The following ATP8A2 variants were observed in gnomAD, a reference collection of about 807,000 sequenced individuals.
The protein encoded by ATP8A2 is ATPase phospholipid transporting 8A2, also known as phospholipid-transporting ATPase IB.
ATP8A2 carries 100 observed loss-of-function variants against 165.6 expected under a neutral mutation model. The ratio of observed to expected loss-of-function variants is 0.60; its 90% CI spans 0.51 to 0.71. The LOEUF is 0.71. Ranked by LOEUF, ATP8A2 falls within the 30% of genes least tolerant of loss-of-function variation. The probability of loss-of-function intolerance (pLI) is 0.00; values close to 1 mark genes in which losing one functional copy is unlikely to be tolerated. For synonymous variants in ATP8A2, 543 were observed against 548.8 expected, an observed-to-expected ratio of 0.99 and a Z score of 0.15; for missense variants, 1,227 against 1,479.5, an observed-to-expected ratio of 0.83 and a Z score of 2.80.
At chr13:25,464,054 G>A (rs2035570937) in intron 1 of ATP8A2, among the ~76,000 whole-genome samples, 1 of 152,170 alleles carries the variant, frequency 6.6e-6, no homozygotes, top group South Asian at 2.1e-4. Context: ...TATCTCATTA[G>A]TCTTGCACTT....
At chr13:25,681,000 C>A (rs937504558) in intron 24 of ATP8A2, among the ~76,000 whole-genome samples, 3 of 152,190 alleles carry the variant, frequency 2.0e-5, no homozygotes, top group Non-Finnish European at 4.4e-5. Context: ...TCAAACAATA[C>A]AACTCAGTAT....
chr13:25,445,706 G>T (rs1165892672), intron 1 of ATP8A2, among the ~76,000 whole-genome samples: 2 of 152,188 alleles, frequency 1.3e-5, no homozygotes, highest in Non-Finnish European at 2.9e-5. Flanking sequence ...TAAGATTCCT[G>T]TAGATGGTGG....
intron 1 of ATP8A2, among the ~76,000 whole-genome samples, chr13:25,442,362 A>T (rs1246708034): frequency 6.6e-6 from 1 of 152,184 alleles, no homozygotes; most frequent in East Asian, 1.9e-4. Context: ...TATTCCCACC[A>T]ACAGTGCTCA....
chr13:25,382,506 C>T lies in ATP8A2; in HGVS notation c.76+10218C>T, dbSNP rs141437438. ...GTATGTTTAGTTTTGGAAGAAATTG[C>T]CAGATTGTCTTCCAAAGTGGCTGTA... On this transcript the variant is annotated intron_variant, in intron 1 of 36. Transcript: ENST00000381655. Among the ~76,000 whole-genome samples the T allele has an allele frequency of 5.0e-3, 760 of 152,232 alleles. 4 individuals are homozygous for T. The highest frequency in any genetic ancestry group is 8.3e-3 in the Non-Finnish European group (563 of 68,032).
intron 10 of ATP8A2, among the ~76,000 whole-genome samples, chr13:25,551,129 A>G (rs1376666185): frequency 6.6e-6 from 1 of 152,248 alleles, no homozygotes; most frequent in Non-Finnish European, 1.5e-5. Context: ...GTGTTCTTTA[A>G]ACTGGTAGAG....
At chr13:25,894,321 T>G (rs1376815493) in intron 33 of ATP8A2, among the ~76,000 whole-genome samples, 3 of 152,220 alleles carry the variant, frequency 2.0e-5, no homozygotes, top group Non-Finnish European at 4.4e-5. Context: ...TTTTGTCAGG[T>G]TTATCAAAGA....
intron 30 of ATP8A2, among the ~76,000 whole-genome samples, chr13:25,854,049 C>CT (rs945199559): frequency 6.6e-6 from 1 of 152,160 alleles, no homozygotes; most frequent in Admixed American, 6.5e-5. Context: ...TTTTGTAACT[C>CT]TTATTACGGG....
chr13:25,843,630 C>T lies in ATP8A2; in HGVS notation c.2956+4006C>T, dbSNP rs187478475. Among the ~76,000 whole-genome samples the T allele has an allele frequency of 4.3e-4, 65 of 152,226 alleles. No homozygotes were observed. The Middle Eastern group carries it at 0.017, about 40-fold the overall frequency. Reference sequence around the variant, plus strand: ...CTGCCACTTCCTTGATCTTGGACTTCGCAGGCTCCAGAACTATAAGAAATG... The same window carrying T: ...CTGCCACTTCCTTGATCTTGGACTTTGCAGGCTCCAGAACTATAAGAAATG... On this transcript the variant is annotated intron_variant, in intron 30 of 36. Coordinates refer to ENST00000381655, the MANE Select transcript of ATP8A2 (RefSeq NM_016529.6).
chr13:25,942,881 C>T (rs774705447), intron 33 of ATP8A2, among the ~76,000 whole-genome samples: 1 of 152,228 alleles, frequency 6.6e-6, no homozygotes, highest in Non-Finnish European at 1.5e-5. Context: ...GCCTGTGGTA[C>T]AAAGTAGGTC....
intron 25 of ATP8A2, among the ~76,000 whole-genome samples, chr13:25,726,272 T>C (rs1446623525): frequency 1.3e-5 from 2 of 152,300 alleles, no homozygotes; most frequent in Non-Finnish European, 1.5e-5. Flanking sequence ...TGTAACTCAA[T>C]GTGTCAGGTG....
chr13:25,608,689 A>G (rs1042377145), intron 24 of ATP8A2, among the ~76,000 whole-genome samples: 1 of 152,204 alleles, frequency 6.6e-6, no homozygotes, highest in Non-Finnish European at 1.5e-5. Context: ...ATAAACACAC[A>G]TCACACAGAC....
intron 2 of ATP8A2, among the ~76,000 whole-genome samples, chr13:25,527,263 G>A (rs1293936507): frequency 6.6e-6 from 1 of 152,080 alleles, no homozygotes; most frequent in African/African-American, 2.4e-5. Flanking sequence ...ACCTCCTCAG[G>A]AATTATCCTA....
intron 25 of ATP8A2, among the ~76,000 whole-genome samples, chr13:25,757,646 G>C (rs567307631): frequency 6.6e-6 from 1 of 152,276 alleles, no homozygotes; most frequent in Admixed American, 6.5e-5. Context: ...CGGCTGAGAA[G>C]TGAGTGTAAT....
At chr13:25,784,635 G>A (rs1247755755) in intron 27 of ATP8A2, among the ~76,000 whole-genome samples, 3 of 152,182 alleles carry the variant, frequency 2.0e-5, no homozygotes, top group African/African-American at 7.2e-5. Flanking sequence ...TAGAATGTAA[G>A]AGAAGATTTC....
chr13:25,592,654 A>G (rs1309129705), intron 24 of ATP8A2, among the ~76,000 whole-genome samples: 1 of 152,132 alleles, frequency 6.6e-6, no homozygotes, highest in Non-Finnish European at 1.5e-5. Flanking sequence ...GTTCAAAGGT[A>G]TCTCTAACCT....
At chr13:25,693,180 C>T (rs967564623) in intron 24 of ATP8A2, among the ~76,000 whole-genome samples, 7 of 152,090 alleles carry the variant, frequency 4.6e-5, no homozygotes, top group South Asian at 2.1e-4. Flanking sequence ...TAACATCGTT[C>T]CTCTGGGAAA....
At chr13:25,479,300 C>T (rs2137569772) in intron 2 of ATP8A2, among the ~76,000 whole-genome samples, 1 of 152,262 alleles carries the variant, frequency 6.6e-6, no homozygotes, top group African/African-American at 2.4e-5. Flanking sequence ...TCACAGTCTT[C>T]TCTATTATTT....
At chr13:25,958,195 G>T (rs1955573400) in intron 33 of ATP8A2, among the ~76,000 whole-genome samples, 1 of 151,890 alleles carries the variant, frequency 6.6e-6, no homozygotes, top group Non-Finnish European at 1.5e-5. Flanking sequence ...TATTTCTAAT[G>T]TAGGTGATGG....
rs748751011 is a variant in ATP8A2 at position 25,560,700 on chromosome 13, C to CA, written c.1397+959dup. Among the ~76,000 whole-genome samples the CA allele has an allele frequency of 9.0e-3, 568 of 62,800 alleles. 3 individuals carry two copies. Among genetic ancestry groups the CA allele is most frequent in the East Asian group, 0.012 (16 of 1,336 alleles). 41.2% of individuals were successfully genotyped at this position (62,800 alleles called of 152,430 possible). A position where few individuals can be genotyped will look rare whatever the true frequency, so the allele number is the denominator to read the frequency against. On this transcript the variant is annotated intron_variant, in intron 15 of 36. Transcript: ENST00000381655. ...GAGTGACAGAGTGAGACTCTTGTCT[C>CA]AAAAAAAAAAAAAAAAAAAAAAAAG...
Sources: gnomAD v4.1 joint callset for allele counts (sites outside exome capture counted in the v4.1 genomes callset) on GRCh38, gnomAD v4.1.1 for gene constraint, MANE v1.5 for transcripts, NCBI Gene and HGNC (gene_info 2026-07-23, HGNC 2026-07-21) for gene names.